The following USP10 variants were observed in gnomAD, a reference collection of about 807,000 sequenced individuals.
The protein encoded by USP10 is ubiquitin carboxyl-terminal hydrolase 10.
In USP10, 22 loss-of-function variants were observed where a neutral mutation model predicts 84.5. That is an observed-to-expected ratio of 0.26 (90% CI 0.19 to 0.37). USP10 has a LOEUF of 0.37. USP10 is among the 10% of genes least tolerant of loss of function. The pLI, the probability that USP10 is intolerant of heterozygous loss-of-function variation, is 1.00. For synonymous variants in USP10, 454 were observed against 387.6 expected (o/e 1.17, Z -2.01); for missense variants, 1,019 against 998.9 (o/e 1.02, Z -0.27).
chr16:84,707,556 A>G (rs1185956519), intron 1 of USP10, among the ~76,000 whole-genome samples: 1 of 152,116 alleles, frequency 6.6e-6, no homozygotes, highest in Non-Finnish European at 1.5e-5. Context: ...GTTTCATAAT[A>G]TGGTCTGTTG....
intron 11 of USP10, among the ~76,000 whole-genome samples, 176 bp downstream of exon 11, chr16:84,768,534 C>T (rs1031940601): frequency 5.9e-5 from 9 of 152,182 alleles, no homozygotes; most frequent in African/African-American, 1.9e-4. Flanking sequence ...AACGTGATCC[C>T]AAGGGCCTCT....
chr16:84,737,193 A>C (rs761010590), intron 2 of USP10, among the ~76,000 whole-genome samples: 1 of 152,176 alleles, frequency 6.6e-6, no homozygotes, highest in Admixed American at 6.5e-5. Context: ...ACTTCAGAAC[A>C]TGACCTTCCT....
At chr16:84,754,485 C>T (rs180986276) in intron 4 of USP10, among the ~76,000 whole-genome samples, 11 of 152,212 alleles carry the variant, frequency 7.2e-5, no homozygotes, top group Non-Finnish European at 1.5e-4. Flanking sequence ...CCCAAGGGCC[C>T]GTACGTATGT....
At chr16:84,770,331 TAA>T (rs1310742096) in intron 11 of USP10, among the ~76,000 whole-genome samples, 1 of 152,232 alleles carries the variant, frequency 6.6e-6, no homozygotes, top group African/African-American at 2.4e-5. Context: ...TGTTTTTTTT[TAA>T]GTTTTTAAAA....
At chr16:84,713,586 C>T (rs1906598886) in intron 1 of USP10, among the ~76,000 whole-genome samples, 1 of 152,168 alleles carries the variant, frequency 6.6e-6, no homozygotes, top group African/African-American at 2.4e-5. Flanking sequence ...TGCTGGGGCC[C>T]CTAGTCCTAG....
intron 4 of USP10, among the ~76,000 whole-genome samples, chr16:84,750,076 G>C (rs1289806477): frequency 2.6e-5 from 4 of 152,118 alleles, no homozygotes; most frequent in Admixed American, 1.3e-4. Context: ...TGGTCTGAGA[G>C]GAGATGGTTG....
At chr16:84,756,291 T>C (rs1205516484) in intron 4 of USP10, among the ~76,000 whole-genome samples, 2 of 152,232 alleles carry the variant, frequency 1.3e-5, no homozygotes, top group African/African-American at 4.8e-5. Flanking sequence ...AAAGGCAGCA[T>C]GTTATTTAAC....
chr16:84,720,787 T>A (rs937659976), intron 1 of USP10, among the ~76,000 whole-genome samples: 21 of 150,756 alleles, frequency 1.4e-4, no homozygotes, highest in African/African-American at 5.1e-4. Flanking sequence ...TTTCACCGTA[T>A]TAGCGGGGAT....
At chr16:84,705,372 C>T (rs1905347446) in intron 1 of USP10, among the ~76,000 whole-genome samples, 1 of 152,100 alleles carries the variant, frequency 6.6e-6, no homozygotes. Context: ...GCTGGGACTA[C>T]AGGCACCCGC....
intron 4 of USP10, among the ~76,000 whole-genome samples, chr16:84,748,737 C>G (rs1567627721): frequency 6.6e-6 from 1 of 152,178 alleles, no homozygotes; most frequent in African/African-American, 2.4e-5. Flanking sequence ...TCTACTTAGT[C>G]ATATGACTTT....
At chr16:84,775,048 C>G (rs1271827320) in intron 12 of USP10, 112 bp from the exon 13 acceptor site, 3 of 894,486 alleles carry the variant, frequency 3.4e-6, no homozygotes, top group Non-Finnish European at 5.6e-6. Context: ...TGTTTTGTTC[C>G]TGGTCTGACA....
intron 1 of USP10, among the ~76,000 whole-genome samples, chr16:84,723,339 T>C (rs1908055893): frequency 2.0e-5 from 3 of 152,192 alleles, no homozygotes; most frequent in Non-Finnish European, 4.4e-5. Context: ...AAAATATAAG[T>C]TTAAGTGTTA....
intron 1 of USP10, among the ~76,000 whole-genome samples, chr16:84,721,641 C>T (rs1015058914): frequency 1.3e-5 from 2 of 152,198 alleles, no homozygotes; most frequent in Non-Finnish European, 2.9e-5. Flanking sequence ...CATCCTCCTG[C>T]CTCAGCCCTC....
At chr16:84,702,826 C>G (rs538480339) in intron 1 of USP10, among the ~76,000 whole-genome samples, 3 of 151,874 alleles carry the variant, frequency 2.0e-5, no homozygotes, top group African/African-American at 7.2e-5. Context: ...GACCCTGTCT[C>G]TACTAAAAAT....
At chr16:84,704,960 T>G (rs1388932082) in intron 1 of USP10, 1 of 1,504,926 alleles carries the variant, frequency 6.6e-7, no homozygotes, top group African/African-American at 1.4e-5. Context: ...AGAATGTGCA[T>G]GTGGAGTGCG....
chr16:84,725,561 C>A (rs542142608), intron 1 of USP10, among the ~76,000 whole-genome samples: 1 of 151,978 alleles, frequency 6.6e-6, no homozygotes, highest in Non-Finnish European at 1.5e-5. Flanking sequence ...CCACCATGCC[C>A]GGCTAATTTT....
At chr16:84,702,993 CA>C (rs1157728872) in intron 1 of USP10, among the ~76,000 whole-genome samples, 65 of 52,174 alleles carry the variant, frequency 1.2e-3, no homozygotes, top group East Asian at 2.3e-3. Flanking sequence ...ACTCCCGTCT[CA>C]AAAAAAAAAA....
chr16:84,731,002 A>G (rs1347106014), intron 1 of USP10, among the ~76,000 whole-genome samples: 5 of 118,690 alleles, frequency 4.2e-5, no homozygotes, highest in Non-Finnish European at 6.7e-5. Context: ...TTTTTTTGAC[A>G]CGGAATCTCT....
At chr16:84,759,808 A>G (rs139729204) in intron 6 of USP10, 83 bp from the exon 7 acceptor site, 1 of 1,364,368 alleles carries the variant, frequency 7.3e-7, no homozygotes, top group Non-Finnish European at 1.0e-6. Flanking sequence ...TATAGCTGAT[A>G]TTCTACTTAG....
Sources: gnomAD v4.1 joint callset for allele counts (sites outside exome capture counted in the v4.1 genomes callset) on GRCh38, gnomAD v4.1.1 for gene constraint, MANE v1.5 for transcripts, NCBI Gene and HGNC (gene_info 2026-07-23, HGNC 2026-07-21) for gene names.